SYNE2: variants seen among roughly 807,000 people sequenced by gnomAD.
The protein encoded by SYNE2 is nesprin-2.
SYNE2 carries 431 observed loss-of-function variants against 856.3 expected under a neutral mutation model. The ratio of observed to expected loss-of-function variants is 0.50; its 90% CI spans 0.47 to 0.55. SYNE2 has a LOEUF of 0.55. Ranked by LOEUF, SYNE2 falls within the 20% of genes least tolerant of loss-of-function variation. SYNE2 has a pLI of 0.00. For synonymous variants in SYNE2, 2,923 were observed against 2,872.3 expected, an observed-to-expected ratio of 1.02 and a Z score of -0.56; for missense variants, 8,129 against 8,023.2, an observed-to-expected ratio of 1.01 and a Z score of -0.50.
At chr14:64,003,374 T>A (rs1307270079) in intron 30 of SYNE2, 44 bp downstream of exon 30, 1 of 1,612,022 alleles carries the variant, frequency 6.2e-7, no homozygotes, top group Non-Finnish European at 8.5e-7. Context: ...ACTGACATCT[T>A]TCTGTATTTT....
In SYNE2 at chr14:64,208,832, C is replaced by T. The variant is rs1006988639; in HGVS notation, c.18276C>T (p.His6092=). The T allele has an allele frequency of 5.0e-6, 8 of 1,614,100 alleles. No homozygotes were observed. Among genetic ancestry groups the T allele is most frequent in the African/African-American group, 4.0e-5 (3 of 74,934 alleles). The change falls in exon 101 of 116, where the codon CAC becomes CAT. Residue 6092 remains histidine, a synonymous_variant. Transcript: ENST00000555002. ...SVFNICDVLL[H]DSDACANETE... is the part of the protein sequence containing the mutation. ...TTAACATCTGTGACGTCCTACTGCACGACTCCGATGCCTGTGCAAATGAGA... is the reference window on the plus strand; with the variant it reads ...TTAACATCTGTGACGTCCTACTGCATGACTCCGATGCCTGTGCAAATGAGA...
chr14:63,955,867 G>A (rs1185919106), intron 8 of SYNE2, among the ~76,000 whole-genome samples: 1 of 152,192 alleles, frequency 6.6e-6, no homozygotes, highest in Admixed American at 6.5e-5. Flanking sequence ...TGTATTTGCT[G>A]AAGAAGTATA....
At chr14:64,142,859 T>C (rs770977682) in intron 82 of SYNE2, among the ~76,000 whole-genome samples, 1 of 152,228 alleles carries the variant, frequency 6.6e-6, no homozygotes, top group Non-Finnish European at 1.5e-5. Flanking sequence ...GTAGATTTAA[T>C]TAACATTTCA....
intron 13 of SYNE2, among the ~76,000 whole-genome samples, chr14:63,978,420 A>C (rs2096560934): frequency 6.6e-6 from 1 of 152,234 alleles, no homozygotes; most frequent in Non-Finnish European, 1.5e-5. Flanking sequence ...ACAAATATTG[A>C]GATTATTTAA....
chr14:64,174,354 G>A (rs975825476), intron 94 of SYNE2, among the ~76,000 whole-genome samples: 7 of 152,204 alleles, frequency 4.6e-5, no homozygotes, highest in Non-Finnish European at 1.5e-5. Flanking sequence ...TTACAGGCAT[G>A]AGCCATCACT....
chr14:63,899,927 AT>A (rs2095313301), intron 1 of SYNE2, among the ~76,000 whole-genome samples: 1 of 152,230 alleles, frequency 6.6e-6, no homozygotes, highest in African/African-American at 2.4e-5. Context: ...TGTGTAGTAT[AT>A]TTCTTAATAG....
intron 78 of SYNE2, among the ~76,000 whole-genome samples, chr14:64,136,721 C>T (rs149175072): frequency 1.7e-4 from 26 of 152,254 alleles, no homozygotes; most frequent in African/African-American, 5.3e-4. Context: ...TTTCTCTCTA[C>T]TGAATCTTTA....
chr14:64,113,560 G>GT lies in SYNE2; in HGVS notation c.12830dup (p.Gly4278ArgfsTer10). 1 of 1,608,498 alleles carries GT rather than the reference G, an allele frequency of 6.2e-7. No individual in the cohort carries two copies. Among genetic ancestry groups the GT allele is most frequent in the Non-Finnish European group, 8.5e-7 (1 of 1,177,368 alleles). On this transcript the variant is annotated frameshift_variant, in exon 66 of 116. Coordinates refer to ENST00000555002, the MANE Select transcript of SYNE2 (RefSeq NM_182914.3). LOFTEE classifies it high-confidence loss of function. ...GCAGCAGGTGCTGGAACAGCAGCTG[G>GT]TAGGGTGCCAGGTAAGACTGAGAAG...
chr14:64,103,159 G>A (rs1185656330), intron 64 of SYNE2, among the ~76,000 whole-genome samples: 5 of 152,086 alleles, frequency 3.3e-5, no homozygotes, highest in Non-Finnish European at 7.3e-5. Context: ...GCACCTGCTT[G>A]GTTCTATTTC....
intron 84 of SYNE2, 147 bp downstream of exon 84, chr14:64,146,370 G>A: frequency 1.4e-6 from 1 of 733,354 alleles, no homozygotes; most frequent in Non-Finnish European, 2.0e-6. Context: ...ATTAGATAAT[G>A]ACCCATGGGT....
chr14:63,974,237 A>G (rs1011097690), intron 11 of SYNE2, among the ~76,000 whole-genome samples: 2 of 152,212 alleles, frequency 1.3e-5, no homozygotes, highest in South Asian at 2.1e-4. Context: ...TATCAAATAA[A>G]TGAAAAGAGG....
intron 52 of SYNE2, among the ~76,000 whole-genome samples, chr14:64,071,688 T>G (rs2097409099): frequency 6.6e-6 from 1 of 152,184 alleles, no homozygotes; most frequent in South Asian, 2.1e-4. Flanking sequence ...CAAATCATGT[T>G]TGTCTTCCTA....
chr14:64,191,018 G>A, intron 99 of SYNE2: 1 of 702,136 alleles, frequency 1.4e-6, no homozygotes, highest in Non-Finnish European at 2.6e-6. Flanking sequence ...TGGCCACACG[G>A]GTCCTTTCCA....
chr14:64,063,417 T>C lies in SYNE2; in HGVS notation c.10212+522T>C, dbSNP rs528101907. On this transcript the variant is annotated intron_variant, in intron 50 of 115. Coordinates refer to ENST00000555002, the MANE Select transcript of SYNE2 (RefSeq NM_182914.3). ...AAGCAGTGGTACTGAGAGATTTAATTAATCAGGTTCACAGACAGTCATCCC... is the reference window on the plus strand; with the variant it reads ...AAGCAGTGGTACTGAGAGATTTAATCAATCAGGTTCACAGACAGTCATCCC... Among the ~76,000 whole-genome samples, 8 of 152,334 alleles carry C rather than the reference T, an allele frequency of 5.3e-5. No homozygotes were observed. The East Asian group carries it at 1.5e-3, about 29-fold the overall frequency.
At chr14:63,985,117 G>A (rs1184844567) in intron 18 of SYNE2, among the ~76,000 whole-genome samples, 2 of 152,180 alleles carry the variant, frequency 1.3e-5, no homozygotes, top group Non-Finnish European at 2.9e-5. Context: ...ATCATTTGAG[G>A]TCAGGAGTTT....
At position 64,190,083 on chromosome 14, in the gene SYNE2, G is replaced by T; in HGVS notation, c.17884G>T (p.Glu5962Ter). ...GTGCCTTTGCCAGGACTGCATGGAAGAAATAAACTTGTTTAGTGAAAACAA... is the reference window on the plus strand; with the variant it reads ...GTGCCTTTGCCAGGACTGCATGGAATAAATAAACTTGTTTAGTGAAAACAA... ...IEKLQKDCME[E>*]INLFSENKLQ... Residue 5962 changes from glutamate (E) to a stop codon, truncating the protein, a stop_gained, in exon 99 of 116, where the codon GAA becomes TAA. Coordinates refer to ENST00000555002, the MANE Select transcript of SYNE2 (RefSeq NM_182914.3). LOFTEE classifies it high-confidence loss of function. 6.2e-7 allele frequency: 1 copy of T among 1,613,854 alleles called. No homozygotes were observed. The highest frequency in any genetic ancestry group is 8.5e-7 in the Non-Finnish European group (1 of 1,179,974).
intron 21 of SYNE2, among the ~76,000 whole-genome samples, chr14:63,992,980 T>C (rs2096680890): frequency 6.6e-6 from 1 of 152,214 alleles, no homozygotes; most frequent in African/African-American, 2.4e-5. Context: ...TCTGCCTTTT[T>C]CACACACAGG....
rs1409793182 is a variant in SYNE2 at position 64,039,603 on chromosome 14, C to T, written c.7221+8246C>T. 3.3e-5 allele frequency among the ~76,000 whole-genome samples: 5 copies of T among 152,206 alleles called. No homozygotes were observed. In the South Asian group the frequency reaches 8.3e-4, roughly 25 times the overall value. On this transcript the variant is annotated intron_variant, in intron 45 of 115. Coordinates refer to ENST00000555002, the MANE Select transcript of SYNE2 (RefSeq NM_182914.3). ...GAGTAGACGTTGTTGGCCATGTAGC[C>T]CAACCATGCTTTGATAGAATGGTCA...
rs920109413 is a variant in SYNE2, at chr14:64,025,230, A to G, written c.6061A>G (p.Arg2021Gly). 1.2e-6 allele frequency: 2 copies of G among 1,614,134 alleles called. No homozygotes were observed. Among genetic ancestry groups the G allele is most frequent in the African/African-American group, 2.7e-5 (2 of 75,060 alleles). The change falls in exon 41 of 116, where the codon AGA becomes GGA. Residue 2021 changes from arginine (R) to glycine (G), a missense_variant. By Grantham distance (125) the Arg-to-Gly change is moderately radical. Around this residue, in one of 3 missense-constraint regions of SYNE2, gnomAD observed 2,422 missense variants for 2,357.4 expected, o/e 1.03. Transcript: ENST00000555002. ...IIMEATCLMDRYQTLLRQLSE... is the reference protein window; with the variant it reads ...IIMEATCLMDGYQTLLRQLSE... Reference sequence around the variant, plus strand: ...AATGGAAGCAACATGTTTGATGGATAGATACCAGACATTACTGAGACAACT... The same window carrying G: ...AATGGAAGCAACATGTTTGATGGATGGATACCAGACATTACTGAGACAACT...
Sources: gnomAD v4.1 joint callset for allele counts (sites outside exome capture counted in the v4.1 genomes callset) on GRCh38, gnomAD v4.1.1 for gene constraint, gnomAD v4.1.1 regional missense constraint, MANE v1.5 for transcripts, NCBI Gene and HGNC (gene_info 2026-07-23, HGNC 2026-07-21) for gene names.